Variants in TIAM1 observed in about 807,000 individuals in gnomAD.
The protein encoded by TIAM1 is rho guanine nucleotide exchange factor TIAM1.
A neutral mutation model predicts 163.5 loss-of-function variants in TIAM1; 65 were observed. The ratio of observed to expected loss-of-function variants is 0.40; its 90% CI spans 0.33 to 0.49. The LOEUF is 0.49. Ranked by LOEUF, TIAM1 falls within the 20% of genes least tolerant of loss-of-function variation. The pLI, the probability that TIAM1 is intolerant of heterozygous loss-of-function variation, is 0.77. For missense variants in TIAM1, 1,789 were observed against 2,044.7 expected (o/e 0.87, Z 2.41); for synonymous variants, 833 against 810.1 (o/e 1.03, Z -0.48).
chr21:31,518,810 G>A (rs989396581), intron 1 of TIAM1, among the ~76,000 whole-genome samples: 1 of 152,152 alleles, frequency 6.6e-6, no homozygotes, highest in East Asian at 1.9e-4. Flanking sequence ...ATGCCTGGCC[G>A]GCTCCAGTGA....
At chr21:31,247,011 G>A (rs1310851719) in intron 5 of TIAM1, among the ~76,000 whole-genome samples, 2 of 152,106 alleles carry the variant, frequency 1.3e-5, no homozygotes, top group Non-Finnish European at 2.9e-5. Flanking sequence ...AAAGCCCTAT[G>A]CTAATGCTTT....
chr21:31,370,327 A>T (rs1248481522), intron 2 of TIAM1, among the ~76,000 whole-genome samples: 1 of 152,246 alleles, frequency 6.6e-6, no homozygotes, highest in Non-Finnish European at 1.5e-5. Context: ...ATACACAGGC[A>T]ATATGGCTTT....
At chr21:31,135,359 A>C (rs1049803832) in intron 23 of TIAM1, among the ~76,000 whole-genome samples, 4 of 152,220 alleles carry the variant, frequency 2.6e-5, no homozygotes, top group African/African-American at 9.7e-5. Flanking sequence ...GGTTTATTAA[A>C]AAATAAGTCA....
chr21:31,325,259 C>T (rs1018943375), intron 2 of TIAM1, among the ~76,000 whole-genome samples: 2 of 150,902 alleles, frequency 1.3e-5, no homozygotes, highest in East Asian at 3.9e-4. Flanking sequence ...TGCACTCTAG[C>T]CTGGGTGACA....
chr21:31,477,933 C>T (rs908012926), intron 1 of TIAM1, among the ~76,000 whole-genome samples: 1 of 152,146 alleles, frequency 6.6e-6, no homozygotes, highest in Non-Finnish European at 1.5e-5. Context: ...AACAGAATGG[C>T]CCTATGTTAG....
At chr21:31,553,651 A>G (rs2048769975) in intron 1 of TIAM1, among the ~76,000 whole-genome samples, 2 of 152,124 alleles carry the variant, frequency 1.3e-5, no homozygotes, top group African/African-American at 4.8e-5. Context: ...CAGGATCTGA[A>G]GAAGCCCTGG....
intron 22 of TIAM1, among the ~76,000 whole-genome samples, chr21:31,139,317 T>C (rs1395124484): frequency 6.6e-6 from 1 of 152,170 alleles, no homozygotes; most frequent in Non-Finnish European, 1.5e-5. Context: ...TTCATTTCCA[T>C]GGCCCAGTAA....
chr21:31,264,523 T>G (rs746229650), intron 4 of TIAM1, among the ~76,000 whole-genome samples: 1 of 152,128 alleles, frequency 6.6e-6, no homozygotes, highest in Non-Finnish European at 1.5e-5. Flanking sequence ...ATGAAGAAAT[T>G]AAGGCTACAA....
intron 1 of TIAM1, among the ~76,000 whole-genome samples, chr21:31,534,048 C>A (rs2048050346): frequency 6.6e-6 from 1 of 152,222 alleles, no homozygotes; most frequent in Non-Finnish European, 1.5e-5. Flanking sequence ...TCGGAAATAC[C>A]CGCCTGGCAT....
chr21:31,359,917 C>T (rs889987500), intron 2 of TIAM1, among the ~76,000 whole-genome samples: 2 of 151,796 alleles, frequency 1.3e-5, no homozygotes, highest in African/African-American at 4.8e-5. Flanking sequence ...AAAAAGAGAA[C>T]TGGACTGAAG....
chr21:31,399,323 T>C (rs1053256387), intron 2 of TIAM1, among the ~76,000 whole-genome samples: 2 of 152,280 alleles, frequency 1.3e-5, no homozygotes, highest in African/African-American at 4.8e-5. Flanking sequence ...AAATACTTCG[T>C]GCCATTTCAA....
intron 4 of TIAM1, among the ~76,000 whole-genome samples, chr21:31,260,633 GT>G (rs2072408239): frequency 6.7e-6 from 1 of 149,324 alleles, no homozygotes; most frequent in Admixed American, 6.8e-5. Flanking sequence ...AAATGCATGG[GT>G]TTGTTTGCAA....
At chr21:31,240,527 G>T (rs1021135011) in intron 6 of TIAM1, among the ~76,000 whole-genome samples, 1 of 152,072 alleles carries the variant, frequency 6.6e-6, no homozygotes, top group Non-Finnish European at 1.5e-5. Context: ...ACTAAACATG[G>T]CATTCCAAGG....
chr21:31,444,986 G>A (rs575983261), intron 2 of TIAM1, among the ~76,000 whole-genome samples: 24 of 147,440 alleles, frequency 1.6e-4, no homozygotes, highest in African/African-American at 5.3e-4. Flanking sequence ...CAACAAGAGC[G>A]AAATTACATC....
At chr21:31,130,789 TA>T (rs1248824802) in intron 24 of TIAM1, 100 bp downstream of exon 24, 1 of 1,125,862 alleles carries the variant, frequency 8.9e-7, no homozygotes, top group Non-Finnish European at 1.3e-6. Context: ...AAAAAGATCA[TA>T]AAAAGGCTCA....
chr21:31,119,501 A>C lies in TIAM1; in HGVS notation c.*867T>G, dbSNP rs1317362214. 1 of 152,564 alleles carries C rather than the reference A, an allele frequency of 6.6e-6. No individual in the cohort carries two copies. Among genetic ancestry groups the C allele is most frequent in the Non-Finnish European group, 1.5e-5 (1 of 68,024 alleles). 9.5% of individuals were successfully genotyped at this position (152,564 alleles called of 1,614,324 possible). On this transcript the variant is annotated 3_prime_UTR_variant, in exon 28 of 28. Transcript: ENST00000541036. ...AAAAAAATCCGCTTTTTGGAAGAAA[A>C]GTATATCCTTCGCATGAGCTTGCTG...
intron 2 of TIAM1, among the ~76,000 whole-genome samples, chr21:31,328,234 A>G (rs978783537): frequency 2.6e-5 from 4 of 152,152 alleles, no homozygotes; most frequent in Non-Finnish European, 4.4e-5. Context: ...CACATGGTAC[A>G]TGTTGTAACT....
chr21:31,402,830 T>C (rs2077188325), intron 2 of TIAM1, among the ~76,000 whole-genome samples: 1 of 151,990 alleles, frequency 6.6e-6, no homozygotes. Context: ...CAGGCACCTG[T>C]AGTCCCAGCT....
chr21:31,152,419 T>G (rs935303144), intron 19 of TIAM1, among the ~76,000 whole-genome samples: 6 of 152,168 alleles, frequency 3.9e-5, no homozygotes, highest in African/African-American at 4.8e-5. Context: ...GTACTTCTTC[T>G]CACGTAAAAG....
Sources: allele counts gnomAD v4.1 joint callset (sites outside exome capture counted in the v4.1 genomes callset), GRCh38; gene constraint gnomAD v4.1.1; transcripts MANE v1.5; gene names NCBI Gene and HGNC (gene_info 2026-07-23, HGNC 2026-07-21).